SH3D19: variants seen among roughly 807,000 people sequenced by gnomAD.
The protein encoded by SH3D19 is SH3 domain containing 19.
Under a neutral mutation model 112.1 loss-of-function variants are expected in SH3D19, and 58 were observed. The ratio of observed to expected loss-of-function variants is 0.52; its 90% CI spans 0.42 to 0.64. The LOEUF is 0.64. SH3D19 is among the 30% of genes least tolerant of loss of function. The probability of loss-of-function intolerance (pLI) is 0.00; values close to 1 mark genes in which losing one functional copy is unlikely to be tolerated. For missense variants in SH3D19, 1,090 were observed against 1,263.4 expected, an observed-to-expected ratio of 0.86 and a Z score of 2.08; for synonymous variants, 391 against 448.5, an observed-to-expected ratio of 0.87 and a Z score of 1.62.
chr4:151,289,606 G>C (rs1356463560), intron 1 of SH3D19, among the ~76,000 whole-genome samples: 2 of 152,168 alleles, frequency 1.3e-5, no homozygotes, highest in South Asian at 2.1e-4. Context: ...CTGGTATAAA[G>C]ATATGCAAAT....
chr4:151,309,919 G>T (rs867770791), intron 1 of SH3D19, among the ~76,000 whole-genome samples: 2 of 152,138 alleles, frequency 1.3e-5, no homozygotes, highest in Admixed American at 1.3e-4. Flanking sequence ...GAGCCCGGGA[G>T]GTCAAGGCTA....
intron 2 of SH3D19, among the ~76,000 whole-genome samples, chr4:151,222,113 C>A (rs778563308): frequency 6.6e-6 from 1 of 152,216 alleles, no homozygotes; most frequent in African/African-American, 2.4e-5. Flanking sequence ...GTAGCCCATT[C>A]CATTTTTGAC....
intron 1 of SH3D19, chr4:151,259,532 G>A (rs938191493): frequency 6.6e-6 from 1 of 152,476 alleles, no homozygotes; most frequent in African/African-American, 2.4e-5. Context: ...GGGCTAGTGT[G>A]GGGCAGTGGC....
rs1752663222 is a variant in SH3D19 at position 151,139,843 on chromosome 4, G to A, written c.2228C>T (p.Pro743Leu). 3.1e-6 allele frequency: 5 copies of A among 1,613,940 alleles called. No individual in the cohort carries two copies. The highest frequency in any genetic ancestry group is 3.4e-6 in the Non-Finnish European group (4 of 1,179,998). Residue 743 changes from proline to leucine, a missense_variant, in exon 13 of 20, where the codon CCA becomes CTA. Physicochemically the swap from Pro to Leu is moderately conservative, Grantham distance 98. Coordinates refer to ENST00000604030, the MANE Select transcript of SH3D19 (RefSeq NM_001378122.1). ...GTCAACAGGCTTCTGAGCGTGGCTT[G>A]GATCCTTAGGGGGAGAAAAGGGCTG... ...DEHLRSRPND[P>L]SHAQKPVDSG...
At chr4:151,138,684 TCTCACACACACACACA>T (rs145614286) in intron 13 of SH3D19, among the ~76,000 whole-genome samples, 7,165 of 135,872 alleles carry the variant, frequency 0.053, 392 homozygotes, top group East Asian at 0.17. Flanking sequence ...CAAGATCTTG[TCTCACACACACACACA>T]CACACACACA....
intron 17 of SH3D19, 51 bp downstream of exon 17, chr4:151,132,279 TC>T: frequency 7.1e-7 from 1 of 1,417,694 alleles, no homozygotes; most frequent in South Asian, 1.2e-5. Flanking sequence ...TTAATATTCC[TC>T]CCAGAGTCTG....
intron 19 of SH3D19, among the ~76,000 whole-genome samples, chr4:151,122,688 C>T (rs1266987924): frequency 2.6e-5 from 4 of 152,112 alleles, no homozygotes; most frequent in Non-Finnish European, 5.9e-5. Context: ...GGGAGGGCCT[C>T]ACTGAAGGTG....
chr4:151,266,056 C>T (rs1001181645), intron 1 of SH3D19: 6 of 152,096 alleles, frequency 3.9e-5, no homozygotes, highest in Admixed American at 3.3e-4. Flanking sequence ...ACATGTAGGA[C>T]AAACCTAAAA....
chr4:151,129,697 C>T (rs1013504098), intron 17 of SH3D19, among the ~76,000 whole-genome samples: 1 of 152,130 alleles, frequency 6.6e-6, no homozygotes, highest in African/African-American at 2.4e-5. Flanking sequence ...GCTACACAGG[C>T]AAGGTTTCCA....
intron 8 of SH3D19, among the ~76,000 whole-genome samples, chr4:151,163,141 G>A (rs765785389): frequency 3.0e-4 from 45 of 152,248 alleles, no homozygotes; most frequent in Non-Finnish European, 4.0e-4. Context: ...AGTTACATAT[G>A]TCCTCTGACT....
At chr4:151,237,523 G>C (rs1447827644) in intron 1 of SH3D19, among the ~76,000 whole-genome samples, 1 of 94,464 alleles carries the variant, frequency 1.1e-5, no homozygotes, top group Non-Finnish European at 2.6e-5. Context: ...CTCTAGGTCA[G>C]ACAGGCCTTG....
chr4:151,219,483 G>T (rs115631204), intron 2 of SH3D19, among the ~76,000 whole-genome samples: 4 of 152,208 alleles, frequency 2.6e-5, no homozygotes, highest in East Asian at 3.9e-4. Flanking sequence ...CCTTACAGTT[G>T]TACCAAATTA....
chr4:151,192,067 C>T (rs1176064871), intron 2 of SH3D19, among the ~76,000 whole-genome samples: 1 of 151,068 alleles, frequency 6.6e-6, no homozygotes. Flanking sequence ...GCTTCAGCCT[C>T]CCCACAGCTG....
At chr4:151,130,262 T>G (rs1750336560) in intron 17 of SH3D19, among the ~76,000 whole-genome samples, 1 of 151,952 alleles carries the variant, frequency 6.6e-6, no homozygotes. Context: ...GGCAACAAAA[T>G]GAGACCCTGT....
At position 151,320,402 on chromosome 4, in the gene SH3D19, A is replaced by G. The variant is rs148990720; in HGVS notation, c.112+4839T>C. Reference sequence around the variant, plus strand: ...ATGAAAGCTATGGCATTTCTCCCCAAGGAAAGCTACAAAGCTTTTAGGGGA... The same window carrying G: ...ATGAAAGCTATGGCATTTCTCCCCAGGGAAAGCTACAAAGCTTTTAGGGGA... On this transcript the variant is annotated intron_variant, in intron 1 of 19. Coordinates refer to ENST00000604030, the MANE Select transcript of SH3D19 (RefSeq NM_001378122.1). Among the ~76,000 whole-genome samples the G allele has an allele frequency of 3.2e-3, 482 of 152,318 alleles. 2 individuals carry two copies. Among genetic ancestry groups the G allele is most frequent in the African/African-American group, 0.011 (470 of 41,580 alleles).
At chr4:151,217,615 C>T (rs11099792) in intron 2 of SH3D19, among the ~76,000 whole-genome samples, 111,335 of 151,732 alleles carry the variant, frequency 0.73, 43,923 homozygotes, top group Non-Finnish European at 0.89. Flanking sequence ...ATGTACGGCA[C>T]ATAAAATTTA....
chr4:151,299,024 T>C lies in SH3D19; in HGVS notation c.112+26217A>G, dbSNP rs184374422. Among the ~76,000 whole-genome samples the C allele has an allele frequency of 2.0e-4, 31 of 152,346 alleles. 1 individual carries two copies. The highest frequency in any genetic ancestry group is 2.0e-3 in the Admixed American group (30 of 15,310). On this transcript the variant is annotated intron_variant, in intron 1 of 19. Transcript: ENST00000604030. ...AACCTTTCTTCTCATACTTAAGGAT[T>C]TGGTCATGGTCAATATGCCACTGAT... is the stretch of plus-strand genomic sequence containing the variant.
intron 9 of SH3D19, among the ~76,000 whole-genome samples, chr4:151,156,176 AAGGAT>A: frequency 6.6e-6 from 1 of 152,322 alleles, no homozygotes. Context: ...AGAAGATACA[AAGGAT>A]ACAAACAAAC....
Position 151,188,155 on chromosome 4 carries a change from G to A in SH3D19, c.153-692C>T, listed in dbSNP as rs557497499. ...CATACCCATGAGCCAATAAATTTCT[G>A]TTCATTATAAATTACCCATTTTGTG... is the stretch of plus-strand genomic sequence containing the variant. On this transcript the variant is annotated intron_variant, in intron 2 of 19. Coordinates refer to ENST00000604030, the MANE Select transcript of SH3D19 (RefSeq NM_001378122.1). 2.0e-5 allele frequency among the ~76,000 whole-genome samples: 3 copies of A among 152,094 alleles called. No homozygotes were observed. The South Asian group carries it at 6.2e-4, about 32-fold the overall frequency.
Sources: gnomAD v4.1 joint callset for allele counts (sites outside exome capture counted in the v4.1 genomes callset) on GRCh38, gnomAD v4.1.1 for gene constraint, MANE v1.5 for transcripts, NCBI Gene and HGNC (gene_info 2026-07-23, HGNC 2026-07-21) for gene names.